GSG1L: variants seen among roughly 807,000 people sequenced by gnomAD.
GSG1L encodes germ cell-specific gene 1-like protein.
In GSG1L, 24 loss-of-function variants were observed where a neutral mutation model predicts 42.1. That is an observed-to-expected ratio of 0.57 (90% CI 0.41 to 0.80). The LOEUF (loss-of-function observed/expected upper bound fraction) is 0.80, where lower values mean the gene tolerates loss of function less well. GSG1L is among the 30% of genes least tolerant of loss of function. The pLI is 0.00. For synonymous variants in GSG1L, 215 were observed against 203.5 expected (o/e 1.06, Z -0.48); for missense variants, 445 against 472.2 (o/e 0.94, Z 0.53).
intron 1 of GSG1L, among the ~76,000 whole-genome samples, chr16:28,042,227 G>T (rs1037365053): frequency 1.3e-5 from 2 of 152,086 alleles, no homozygotes; most frequent in African/African-American, 4.8e-5. Flanking sequence ...CTTGAGGTCA[G>T]GAGTTCAAGA....
chr16:28,010,716 G>C (rs1329629689), intron 1 of GSG1L, among the ~76,000 whole-genome samples: 1 of 152,108 alleles, frequency 6.6e-6, no homozygotes, highest in Non-Finnish European at 1.5e-5. Flanking sequence ...TGGAAGCCAG[G>C]GGTCAGGAAT....
chr16:28,009,152 C>T (rs1407027097), intron 1 of GSG1L, among the ~76,000 whole-genome samples: 1 of 152,070 alleles, frequency 6.6e-6, no homozygotes, highest in Non-Finnish European at 1.5e-5. Flanking sequence ...CGCAGGTGCC[C>T]CATATGAGAT....
intron 1 of GSG1L, among the ~76,000 whole-genome samples, chr16:28,017,416 A>G (rs1166540738): frequency 6.6e-6 from 1 of 152,370 alleles, no homozygotes; most frequent in Non-Finnish European, 1.5e-5. Flanking sequence ...TCTTGGCGTT[A>G]TCTAATGAAA....
chr16:27,939,374 T>C (rs1459798006), intron 2 of GSG1L, among the ~76,000 whole-genome samples: 2 of 152,166 alleles, frequency 1.3e-5, no homozygotes, highest in Admixed American at 1.3e-4. Context: ...GTGATCCTCC[T>C]GCCTCGGCTT....
chr16:28,004,638 CAA>C (rs2085619619), intron 1 of GSG1L, among the ~76,000 whole-genome samples: 1 of 151,858 alleles, frequency 6.6e-6, no homozygotes, highest in South Asian at 2.1e-4. Context: ...ATTTACCAAG[CAA>C]AGTGGTGCGT....
At chr16:27,923,389 G>A (rs1355803010) in intron 2 of GSG1L, among the ~76,000 whole-genome samples, 1 of 152,160 alleles carries the variant, frequency 6.6e-6, no homozygotes, top group Non-Finnish European at 1.5e-5. Flanking sequence ...GCACCCACAT[G>A]CTAAGAGCAA....
intron 1 of GSG1L, among the ~76,000 whole-genome samples, chr16:28,015,401 A>G (rs1437523766): frequency 3.3e-5 from 5 of 152,218 alleles, no homozygotes; most frequent in Non-Finnish European, 7.3e-5. Flanking sequence ...GCTACTCAAA[A>G]GGCTGAGGTG....
intron 3 of GSG1L, among the ~76,000 whole-genome samples, chr16:27,869,244 A>C (rs910144175): frequency 2.6e-5 from 4 of 151,556 alleles, no homozygotes; most frequent in Non-Finnish European, 5.9e-5. Context: ...AGAGAACAGA[A>C]GAAGGAGGGC....
intron 2 of GSG1L, among the ~76,000 whole-genome samples, chr16:27,961,994 C>T (rs1312241855): frequency 6.6e-6 from 1 of 152,160 alleles, no homozygotes; most frequent in East Asian, 1.9e-4. Context: ...GCCCTTCTGC[C>T]TCAGTTTCCC....
At chr16:28,017,533 A>T (rs1475729904) in intron 1 of GSG1L, among the ~76,000 whole-genome samples, 1 of 152,224 alleles carries the variant, frequency 6.6e-6, no homozygotes, top group East Asian at 1.9e-4. Context: ...TTTAGAGCAG[A>T]CGGGTTGGTG....
intron 2 of GSG1L, among the ~76,000 whole-genome samples, chr16:27,913,255 AT>A (rs2084412643): frequency 6.6e-6 from 1 of 152,202 alleles, no homozygotes; most frequent in Non-Finnish European, 1.5e-5. Context: ...GATACAGTGT[AT>A]TTAATGATAC....
intron 2 of GSG1L, among the ~76,000 whole-genome samples, chr16:27,900,461 GAGA>G (rs1251892120): frequency 6.6e-6 from 1 of 152,208 alleles, no homozygotes; most frequent in Non-Finnish European, 1.5e-5. Flanking sequence ...CCCATGGCAC[GAGA>G]AGCCCAGCTG....
At chr16:27,800,359 A>G (rs2082867346) in intron 6 of GSG1L, among the ~76,000 whole-genome samples, 1 of 152,180 alleles carries the variant, frequency 6.6e-6, no homozygotes, top group Admixed American at 6.5e-5. Context: ...GAGCTCCCAG[A>G]AGCCACCTCC....
chr16:27,837,853 C>CTT (rs199778968), intron 4 of GSG1L, among the ~76,000 whole-genome samples: 22 of 141,124 alleles, frequency 1.6e-4, no homozygotes, highest in African/African-American at 5.7e-4. Context: ...TTAGTTGGGC[C>CTT]TTTTTTTTTT....
In GSG1L at chr16:27,884,605, A is replaced by G; in HGVS notation, c.431T>C (p.Leu144Pro). ...GCCAACCACCAGCAGCAGAATGTAC[A>G]GCACCTCGGAGACCACAGACAGCCA... ...VLWLSVVSEV[L>P]YILLLVVGFS... Residue 144 changes from leucine (L) to proline (P), a missense_variant, in exon 3 of 7, where the codon CTG (leucine) becomes CCG (proline). Physicochemically the swap from Leu to Pro is moderately conservative, Grantham distance 98. This residue lies in a region of GSG1L where 149 missense variants were observed against 223.3 expected (regional missense o/e 0.67). Coordinates refer to ENST00000447459, the MANE Select transcript of GSG1L (RefSeq NM_001109763.2). This position sits in a 1 kb window ranked among gnomAD's most constrained non-coding sequence, Gnocchi z 4.4. 1 of 1,603,898 alleles carries G rather than the reference A, an allele frequency of 6.2e-7. No individual in the cohort carries two copies. The highest frequency in any genetic ancestry group is 8.5e-7 in the Non-Finnish European group (1 of 1,175,148).
At chr16:28,022,013 G>C (rs1344234850) in intron 1 of GSG1L, among the ~76,000 whole-genome samples, 3 of 152,196 alleles carry the variant, frequency 2.0e-5, no homozygotes, top group Non-Finnish European at 4.4e-5. Flanking sequence ...CACAGCAACA[G>C]AATACACTGT....
chr16:27,865,959 C>A (rs1231919691), intron 3 of GSG1L, among the ~76,000 whole-genome samples: 2 of 152,094 alleles, frequency 1.3e-5, no homozygotes, highest in South Asian at 4.1e-4. Context: ...CCTTGGCCTC[C>A]CAAAGTGCTG....
intron 2 of GSG1L, among the ~76,000 whole-genome samples, chr16:27,901,860 C>T (rs1447706417): frequency 6.6e-6 from 1 of 152,228 alleles, no homozygotes; most frequent in Non-Finnish European, 1.5e-5. Context: ...CTCCACACTC[C>T]AGCCTCATGG....
At chr16:28,043,348 C>G (rs567188076) in intron 1 of GSG1L, among the ~76,000 whole-genome samples, 1 of 152,342 alleles carries the variant, frequency 6.6e-6, no homozygotes, top group East Asian at 1.9e-4. Context: ...GCATAGAAAA[C>G]TATAAAGGAT....
Sources: allele counts gnomAD v4.1 joint callset (sites outside exome capture counted in the v4.1 genomes callset), GRCh38; gene constraint gnomAD v4.1.1; regional missense constraint gnomAD v4.1.1; non-coding constraint Gnocchi (gnomAD v3.1); transcripts MANE v1.5; gene names NCBI Gene and HGNC (gene_info 2026-07-23, HGNC 2026-07-21).